FRYL: variants seen among roughly 807,000 people sequenced by gnomAD.
The protein encoded by FRYL is protein furry homolog-like.
Under a neutral mutation model 351.2 loss-of-function variants are expected in FRYL, and 150 were observed. The observed-to-expected ratio is 0.43, with a 90% CI of 0.37 to 0.49. The LOEUF (loss-of-function observed/expected upper bound fraction) is 0.49. Ranked by LOEUF, FRYL falls within the 20% of genes least tolerant of loss-of-function variation. The pLI is 0.00. For synonymous variants in FRYL, 1,153 were observed against 1,257.1 expected (o/e 0.92, Z 1.75); for missense variants, 3,036 against 3,619.3 (o/e 0.84, Z 4.13).
chr4:48,517,585 T>C (rs949219429), intron 55 of FRYL, among the ~76,000 whole-genome samples: 1 of 152,180 alleles, frequency 6.6e-6, no homozygotes, highest in African/African-American at 2.4e-5. Context: ...AAGGAATAAT[T>C]TGTCATCCAT....
At chr4:48,622,130 ACAAT>A (rs1487019945) in intron 5 of FRYL, among the ~76,000 whole-genome samples, 17 of 152,298 alleles carry the variant, frequency 1.1e-4, no homozygotes, top group African/African-American at 3.8e-4. Flanking sequence ...GCTATGAGGC[ACAAT>A]CATTTATAGT....
chr4:48,592,442 TA>T (rs1326862037), intron 16 of FRYL, among the ~76,000 whole-genome samples: 4 of 151,808 alleles, frequency 2.6e-5, no homozygotes, highest in Non-Finnish European at 5.9e-5. Flanking sequence ...GTAAACCTAA[TA>T]AATAACAACC....
At chr4:48,702,696 G>C (rs1305309807) in intron 2 of FRYL, among the ~76,000 whole-genome samples, 2 of 142,272 alleles carry the variant, frequency 1.4e-5, no homozygotes, top group Non-Finnish European at 3.0e-5. Context: ...GGGAGGCGGA[G>C]CTTACAGTGA....
intron 7 of FRYL, among the ~76,000 whole-genome samples, chr4:48,617,391 C>T (rs1295901632): frequency 1.3e-5 from 2 of 150,856 alleles, no homozygotes; most frequent in African/African-American, 4.9e-5. Flanking sequence ...CACTGTCACC[C>T]AGGCTGGAGT....
At chr4:48,564,225 T>A in intron 30 of FRYL, 123 bp from the exon 31 acceptor site, 1 of 1,072,248 alleles carries the variant, frequency 9.3e-7, no homozygotes, top group Non-Finnish European at 1.3e-6. Context: ...AAATTCCATC[T>A]CCTTTTGTTC....
chr4:48,557,142 T>C (rs1475246436), intron 34 of FRYL, 24 bp from the exon 35 acceptor site: 1 of 1,564,128 alleles, frequency 6.4e-7, no homozygotes, highest in East Asian at 2.3e-5. Context: ...GCACAAAAGA[T>C]ACTTCAGTCA....
intron 49 of FRYL, among the ~76,000 whole-genome samples, chr4:48,533,690 G>A (rs1382383574): frequency 6.6e-6 from 1 of 152,120 alleles, no homozygotes; most frequent in African/African-American, 2.4e-5. Context: ...TTTCTTAACT[G>A]GTAGCTCAAA....
intron 1 of FRYL, among the ~76,000 whole-genome samples, chr4:48,778,130 T>G (rs965622111): frequency 3.3e-5 from 5 of 152,190 alleles, no homozygotes; most frequent in African/African-American, 1.2e-4. Flanking sequence ...CCAAAGAATT[T>G]GTTTTTGTGT....
intron 1 of FRYL, among the ~76,000 whole-genome samples, chr4:48,739,526 T>A (rs953409686): frequency 1.7e-4 from 24 of 145,158 alleles, no homozygotes; most frequent in African/African-American, 5.9e-4. Context: ...AAAAAATAAA[T>A]AAAGAAATCT....
intron 1 of FRYL, among the ~76,000 whole-genome samples, chr4:48,726,595 T>C (rs1770117006): frequency 6.6e-6 from 1 of 152,144 alleles, no homozygotes; most frequent in African/African-American, 2.4e-5. Flanking sequence ...GGCATGAGAA[T>C]TGCTTGAACC....
Position 48,556,974 on chromosome 4 carries a change from A to C in FRYL, c.4266+4T>G. 1 of 1,566,904 alleles carries C rather than the reference A, an allele frequency of 6.4e-7. No individual in the cohort carries two copies. The highest frequency in any genetic ancestry group is 8.7e-7 in the Non-Finnish European group (1 of 1,150,942). ...TTTAAAATTAAATGAACTTGAATACATACGTAAGGCAAGAGGCTTGGTTCG... is the reference window on the plus strand; with the variant it reads ...TTTAAAATTAAATGAACTTGAATACCTACGTAAGGCAAGAGGCTTGGTTCG... On this transcript the variant is annotated splice_donor_region_variant and intron_variant, in intron 35 of 63. Transcript: ENST00000358350.
At chr4:48,515,393 C>A (rs1560520666) in intron 55 of FRYL, 118 bp from the exon 56 acceptor site, 2 of 730,368 alleles carry the variant, frequency 2.7e-6, no homozygotes, top group Non-Finnish European at 4.4e-6. Flanking sequence ...TTCATTTATA[C>A]AGTCTGTCAC....
chr4:48,689,447 A>C (rs188502336), intron 2 of FRYL, among the ~76,000 whole-genome samples: 1 of 152,322 alleles, frequency 6.6e-6, no homozygotes, highest in East Asian at 1.9e-4. Flanking sequence ...CTACATCTAG[A>C]GTTAAGTACC....
chr4:48,742,240 A>G (rs1023281966), intron 1 of FRYL, among the ~76,000 whole-genome samples: 2 of 152,214 alleles, frequency 1.3e-5, no homozygotes, highest in Non-Finnish European at 2.9e-5. Context: ...TGCACCTTTT[A>G]AAGTCTGACG....
At chr4:48,522,823 A>G in intron 54 of FRYL, 78 bp downstream of exon 54, 1 of 1,070,214 alleles carries the variant, frequency 9.3e-7, no homozygotes, top group Non-Finnish European at 1.5e-6. Context: ...ACCCATGCAC[A>G]AGAAATAATC....
At chr4:48,656,317 C>CATAATATATACTAAATAT (rs1553964773) in intron 3 of FRYL, among the ~76,000 whole-genome samples, 15 of 53,950 alleles carry the variant, frequency 2.8e-4, no homozygotes, top group African/African-American at 6.4e-4. Flanking sequence ...TTATATATTA[C>CATAATATATACTAAATAT]ATAATATATA....
chr4:48,681,014 G>A (rs745535701), intron 3 of FRYL: 1 of 1,283,868 alleles, frequency 7.8e-7, no homozygotes, highest in South Asian at 1.2e-5. Context: ...TCAGATGAAA[G>A]TGAGCTAAGA....
intron 13 of FRYL, among the ~76,000 whole-genome samples, chr4:48,597,029 G>C (rs1208739471): frequency 7.2e-5 from 11 of 151,996 alleles, no homozygotes; most frequent in Admixed American, 1.3e-4. Context: ...ATCAATCCCT[G>C]TCTCCACTGC....
chr4:48,586,708 A>G lies in FRYL; in HGVS notation c.1661T>C (p.Ile554Thr). The change falls in exon 19 of 64, where the codon ATT becomes ACT. Residue 554 changes from isoleucine to threonine, a missense_variant. Ile to Thr is a moderately conservative substitution (Grantham distance 89). Transcript: ENST00000358350. ...DMITGERKPK[I>T]DLFRTCIAAI... ...AGCAATACAAGTTCTAAACAAATCA[A>G]TCTTGGGTTTTCTTTCCCCCCTGAA... is the stretch of plus-strand genomic sequence containing the variant. 1 of 1,608,944 alleles carries G rather than the reference A, an allele frequency of 6.2e-7. No homozygotes were observed.
Sources: allele counts gnomAD v4.1 joint callset (sites outside exome capture counted in the v4.1 genomes callset), GRCh38; gene constraint gnomAD v4.1.1; transcripts MANE v1.5; gene names NCBI Gene and HGNC (gene_info 2026-07-23, HGNC 2026-07-21).